The following WDR64 variants were observed in gnomAD, a reference collection of about 807,000 sequenced individuals.
WDR64 encodes the protein WD repeat-containing protein 64.
WDR64 carries 112 observed loss-of-function variants against 139.3 expected under a neutral mutation model. That is an observed-to-expected ratio of 0.80 (90% confidence interval 0.69 to 0.94). WDR64 has a LOEUF of 0.94. Ranked by LOEUF, WDR64 falls within the 40% of genes least tolerant of loss-of-function variation. WDR64 has a pLI of 0.00. For missense variants in WDR64, 1,206 were observed against 1,293.1 expected (o/e 0.93, Z 1.03); for synonymous variants, 444 against 437.7 (o/e 1.01, Z -0.18).
chr1:241,739,732 A>G (rs914191764), intron 11 of WDR64, among the ~76,000 whole-genome samples: 2 of 152,226 alleles, frequency 1.3e-5, no homozygotes, highest in Admixed American at 1.3e-4. Context: ...TTTCTTCCCA[A>G]TTTTGTATCA....
intron 8 of WDR64, among the ~76,000 whole-genome samples, chr1:241,705,882 C>G (rs1034701438): frequency 3.3e-5 from 5 of 152,128 alleles, no homozygotes; most frequent in Non-Finnish European, 7.4e-5. Flanking sequence ...AGCCACCATG[C>G]CTGGCCCTCA....
intron 10 of WDR64, among the ~76,000 whole-genome samples, chr1:241,732,948 C>A (rs1475124342): frequency 3.3e-5 from 5 of 152,106 alleles, no homozygotes; most frequent in African/African-American, 1.2e-4. Context: ...ATCAAAACAA[C>A]CCTCACTTCG....
chr1:241,780,101 C>A, intron 22 of WDR64, 39 bp downstream of exon 22: 1 of 1,498,322 alleles, frequency 6.7e-7, no homozygotes, highest in Non-Finnish European at 9.1e-7. Context: ...TATGAGTCAG[C>A]ATATATTTAT....
intron 2 of WDR64, among the ~76,000 whole-genome samples, chr1:241,666,445 G>A (rs1666029910): frequency 6.6e-6 from 1 of 151,960 alleles, no homozygotes; most frequent in African/African-American, 2.4e-5. Context: ...TTATTTTTTG[G>A]TAAGCATTGT....
chr1:241,711,441 G>C (rs1668164387), intron 8 of WDR64, among the ~76,000 whole-genome samples: 1 of 151,960 alleles, frequency 6.6e-6, no homozygotes, highest in African/African-American at 2.4e-5. Flanking sequence ...TGTCCAAAAG[G>C]GTTCCTGGCA....
At chr1:241,780,988 CTTG>C (rs1658824785) in intron 22 of WDR64, among the ~76,000 whole-genome samples, 1 of 152,120 alleles carries the variant, frequency 6.6e-6, no homozygotes, top group Non-Finnish European at 1.5e-5. Flanking sequence ...CTATAAATTG[CTTG>C]TAACGAAGAC....
intron 8 of WDR64, among the ~76,000 whole-genome samples, chr1:241,701,457 T>C (rs546946061): frequency 1.3e-4 from 20 of 152,254 alleles, no homozygotes; most frequent in African/African-American, 1.7e-4. Context: ...TACTCAGTCA[T>C]TGTGAACACT....
chr1:241,761,950 A>G (rs1027186565), intron 15 of WDR64, among the ~76,000 whole-genome samples: 12 of 152,126 alleles, frequency 7.9e-5, no homozygotes, highest in Admixed American at 7.9e-4. Flanking sequence ...AACCCTTCCA[A>G]ATATCTTTGA....
chr1:241,780,959 A>C (rs193075217), intron 22 of WDR64, among the ~76,000 whole-genome samples: 248 of 152,318 alleles, frequency 1.6e-3, no homozygotes, highest in Non-Finnish European at 2.6e-3. Flanking sequence ...GAGAAACACG[A>C]AGTTTCATTT....
intron 17 of WDR64, among the ~76,000 whole-genome samples, chr1:241,770,025 A>G (rs1658367643): frequency 1.3e-5 from 2 of 152,232 alleles, no homozygotes; most frequent in South Asian, 4.1e-4. Flanking sequence ...CAGGCAATAG[A>G]TAATGCCACA....
intron 22 of WDR64, 124 bp from the exon 23 acceptor site, chr1:241,783,148 T>C (rs1222254765): frequency 2.5e-6 from 2 of 807,402 alleles, no homozygotes; most frequent in African/African-American, 1.7e-5. Context: ...GACTTAATCA[T>C]CTAGCACAGA....
intron 8 of WDR64, among the ~76,000 whole-genome samples, chr1:241,692,996 G>T (rs768600385): frequency 3.3e-5 from 5 of 152,102 alleles, no homozygotes; most frequent in Admixed American, 3.3e-4. Flanking sequence ...TTAGAATTCC[G>T]CTTGACCGTT....
chr1:241,796,275 C>CT lies in WDR64; in HGVS notation c.3098dup (p.Arg1034LysfsTer30). 4 of 1,613,310 alleles carry CT rather than the reference C, an allele frequency of 2.5e-6. No individual in the cohort carries two copies. The highest frequency in any genetic ancestry group is 3.4e-6 in the Non-Finnish European group (4 of 1,179,630). On this transcript the variant is annotated frameshift_variant, in exon 27 of 28. Transcript: ENST00000437684. LOFTEE classifies it high-confidence loss of function. ...CTTCCAGATATCAAGCCCCACTAGT[C>CT]TAAGATTTCTTCCACTGATTGGCGT...
intron 1 of WDR64, among the ~76,000 whole-genome samples, chr1:241,655,186 C>A (rs532961896): frequency 6.6e-6 from 1 of 152,254 alleles, no homozygotes; most frequent in South Asian, 2.1e-4. Flanking sequence ...AGTTCAAGAC[C>A]AGCCTTGCCA....
chr1:241,797,789 G>A (rs1272388884), intron 27 of WDR64, among the ~76,000 whole-genome samples: 1 of 151,372 alleles, frequency 6.6e-6, no homozygotes, highest in African/African-American at 2.4e-5. Context: ...CTAGAGACCT[G>A]GAAATGAAAA....
chr1:241,766,465 C>A, intron 16 of WDR64, 114 bp downstream of exon 16: 1 of 1,207,704 alleles, frequency 8.3e-7, no homozygotes, highest in Non-Finnish European at 1.1e-6. Flanking sequence ...AAACCCAGAA[C>A]TTTGGGAGGA....
rs116398282 is a variant in WDR64, at chr1:241,673,881, T to C, written c.380-763T>C. ...CTTAATGACAGTCCTAGTTTCATTC[T>C]TTTATATTGAAAAGCCTGAGATGGT... On this transcript the variant is annotated intron_variant, in intron 3 of 27. Coordinates refer to ENST00000437684, the MANE Select transcript of WDR64 (RefSeq NM_001367482.1). Among the ~76,000 whole-genome samples, 1,267 of 152,320 alleles carry C rather than the reference T, an allele frequency of 8.3e-3. 8 individuals carry two copies. Among genetic ancestry groups the C allele is most frequent in the Non-Finnish European group, 0.014 (933 of 68,028 alleles).
chr1:241,689,818 C>T (rs752949026), intron 8 of WDR64, among the ~76,000 whole-genome samples: 9 of 151,980 alleles, frequency 5.9e-5, no homozygotes, highest in African/African-American at 2.2e-4. Flanking sequence ...AAATGAGTAA[C>T]GCCTTTGATG....
chr1:241,722,962 C>T (rs1668662925), intron 9 of WDR64, among the ~76,000 whole-genome samples: 1 of 151,926 alleles, frequency 6.6e-6, no homozygotes, highest in African/African-American at 2.4e-5. Flanking sequence ...AGAACAGCTG[C>T]CTTAAATATC....
Sources: gnomAD v4.1 joint callset for allele counts (sites outside exome capture counted in the v4.1 genomes callset) on GRCh38, gnomAD v4.1.1 for gene constraint, MANE v1.5 for transcripts, NCBI Gene and HGNC (gene_info 2026-07-23, HGNC 2026-07-21) for gene names.